Variants in GRHL2 observed in about 807,000 individuals in gnomAD.
The protein encoded by GRHL2 is grainyhead-like protein 2 homolog.
A neutral mutation model predicts 83.8 loss-of-function variants in GRHL2; 21 were observed. The ratio of observed to expected loss-of-function variants is 0.25; its 90% CI spans 0.18 to 0.36. The LOEUF is 0.36. GRHL2 is among the 10% of genes least tolerant of loss of function. GRHL2 has a pLI of 1.00. For missense variants in GRHL2, 623 were observed against 781.8 expected (o/e 0.80, Z 2.42); for synonymous variants, 280 against 278.9 (o/e 1.00, Z -0.04).
At chr8:101,582,611 T>C (rs1487030724) in intron 7 of GRHL2, among the ~76,000 whole-genome samples, 1 of 151,956 alleles carries the variant, frequency 6.6e-6, no homozygotes, top group Non-Finnish European at 1.5e-5. Flanking sequence ...AGGCTCTGAG[T>C]GTTAGAGGTT....
chr8:101,507,818 C>T (rs1165085382), intron 1 of GRHL2, among the ~76,000 whole-genome samples: 2 of 130,320 alleles, frequency 1.5e-5, no homozygotes, highest in African/African-American at 5.9e-5. Flanking sequence ...TACTCTGTCA[C>T]TCAGGCTGGA....
chr8:101,612,516 GATAGATACATACATAC>G (rs80294539), intron 8 of GRHL2, among the ~76,000 whole-genome samples: 12,059 of 79,248 alleles, frequency 0.15, 701 homozygotes, highest in South Asian at 0.24. Flanking sequence ...TAGATAGATA[GATAGATACATACATAC>G]ATACATACAT....
intron 2 of GRHL2, among the ~76,000 whole-genome samples, chr8:101,546,621 G>T (rs1489127418): frequency 1.3e-5 from 2 of 152,134 alleles, no homozygotes; most frequent in East Asian, 3.9e-4. Context: ...TGCACATGTT[G>T]GCCAGGCTGC....
intron 1 of GRHL2, 41 bp from the exon 2 acceptor site, chr8:101,543,198 GCT>G: frequency 6.8e-7 from 1 of 1,475,648 alleles, no homozygotes; most frequent in Non-Finnish European, 9.5e-7. Context: ...TAAAAAATTT[GCT>G]CTCTCTGAAA....
intron 1 of GRHL2, among the ~76,000 whole-genome samples, chr8:101,520,426 A>C (rs186696482): frequency 9.8e-5 from 15 of 152,346 alleles, no homozygotes; most frequent in Admixed American, 2.0e-4. Flanking sequence ...GACCTTATAA[A>C]GATGATTTTT....
chr8:101,562,187 C>T (rs1371902979), intron 4 of GRHL2: 1 of 612,966 alleles, frequency 1.6e-6, no homozygotes, highest in African/African-American at 1.8e-5. Context: ...CTTGGCGTTT[C>T]TGTTTGATTT....
intron 7 of GRHL2, among the ~76,000 whole-genome samples, chr8:101,591,388 A>T (rs1812278599): frequency 6.6e-6 from 1 of 152,122 alleles, no homozygotes. Context: ...GTATGTGGAG[A>T]TATTTTCTTG....
At chr8:101,493,374 G>C (rs1307627752) in intron 1 of GRHL2, among the ~76,000 whole-genome samples, 2 of 152,168 alleles carry the variant, frequency 1.3e-5, no homozygotes, top group East Asian at 1.9e-4. Flanking sequence ...GGAGGCCGGG[G>C]GGCGCGGGGG....
intron 14 of GRHL2, among the ~76,000 whole-genome samples, chr8:101,659,175 A>G (rs1813863975): frequency 6.6e-6 from 1 of 152,218 alleles, no homozygotes; most frequent in Admixed American, 6.5e-5. Context: ...CTGTAATTTC[A>G]AAGTATGATG....
rs939004493 is a variant in GRHL2, at chr8:101,492,609, G to A, written c.-161G>A. 2.7e-6 allele frequency: 2 copies of A among 737,122 alleles called. No individual in the cohort carries two copies. The highest frequency in any genetic ancestry group is 5.0e-6 in the Non-Finnish European group (2 of 400,670). The allele number at this position is 737,122 out of a possible 1,614,324, so 45.7% of individuals were successfully genotyped here. ...TAGGTGAGGGCGCGAGCGGGCGAGC[G>A]AGCGAGAGTGGTGAGGGGGGACGGA... On this transcript the variant is annotated 5_prime_UTR_variant, in exon 1 of 16. Coordinates refer to ENST00000646743, the MANE Select transcript of GRHL2 (RefSeq NM_024915.4).
At chr8:101,651,347 T>C (rs1473431130) in intron 14 of GRHL2, among the ~76,000 whole-genome samples, 4 of 152,202 alleles carry the variant, frequency 2.6e-5, no homozygotes, top group Non-Finnish European at 4.4e-5. Flanking sequence ...TTCTGATACT[T>C]CTGAATTGCA....
chr8:101,664,143 C>T (rs531423316), intron 14 of GRHL2, among the ~76,000 whole-genome samples: 7 of 152,124 alleles, frequency 4.6e-5, no homozygotes, highest in Non-Finnish European at 1.0e-4. Flanking sequence ...TCCAATATAA[C>T]TTGTTAAATT....
intron 13 of GRHL2, among the ~76,000 whole-genome samples, chr8:101,646,687 T>A (rs1813517556): frequency 6.6e-6 from 1 of 152,266 alleles, no homozygotes; most frequent in African/African-American, 2.4e-5. Context: ...GGTTTTTGCC[T>A]TTGTGGCAGG....
chr8:101,655,210 C>T (rs1408864039), intron 14 of GRHL2, among the ~76,000 whole-genome samples: 1 of 151,920 alleles, frequency 6.6e-6, no homozygotes, highest in Non-Finnish European at 1.5e-5. Flanking sequence ...AGAAGGAAGT[C>T]TCCCTGTAAG....
intron 8 of GRHL2, among the ~76,000 whole-genome samples, chr8:101,618,249 C>A (rs1812894149): frequency 6.6e-6 from 1 of 152,120 alleles, no homozygotes; most frequent in African/African-American, 2.4e-5. Context: ...CTCATTTACA[C>A]TCCTCCCTCT....
rs540115152 is a variant in GRHL2 at position 101,510,625 on chromosome 8, AT to A, written c.20+17837del. Among the ~76,000 whole-genome samples, 378 of 152,282 alleles carry A rather than the reference AT, an allele frequency of 2.5e-3. 1 individual carries two copies. Among genetic ancestry groups the A allele is most frequent in the African/African-American group, 8.4e-3 (349 of 41,550 alleles). On this transcript the variant is annotated intron_variant, in intron 1 of 15. Coordinates refer to ENST00000646743, the MANE Select transcript of GRHL2 (RefSeq NM_024915.4). The stretch of plus-strand genomic sequence containing the variant: ...GCTTAAAATTTACAAATATTAAAAA[AT>A]ATATGTTATTACACAATAACTATCA...
intron 9 of GRHL2, among the ~76,000 whole-genome samples, chr8:101,624,183 GTACACA>G: frequency 6.6e-6 from 1 of 150,752 alleles, no homozygotes. Context: ...ACAGTACACA[GTACACA>G]GTAGGACAGT....
chr8:101,563,595 G>C lies in GRHL2; in HGVS notation c.678+4783G>C, dbSNP rs192359282. 1.9e-3 allele frequency among the ~76,000 whole-genome samples: 284 copies of C among 152,182 alleles called. 2 individuals carry two copies. Among genetic ancestry groups the C allele is most frequent in the Non-Finnish European group, 2.3e-3 (154 of 68,004 alleles). ...TCCTTAAGAGGCTGTCATATTTCTT[G>C]GGTTCTGGTAGCTTTACAATCAAAC... On this transcript the variant is annotated intron_variant, in intron 4 of 15. Coordinates refer to ENST00000646743, the MANE Select transcript of GRHL2 (RefSeq NM_024915.4).
chr8:101,610,014 C>T (rs1160006018), intron 8 of GRHL2, among the ~76,000 whole-genome samples: 3 of 150,786 alleles, frequency 2.0e-5, no homozygotes, highest in African/African-American at 7.5e-5. Flanking sequence ...CCTGGGAGCT[C>T]GTTATTTCAC....
Sources: allele counts gnomAD v4.1 joint callset (sites outside exome capture counted in the v4.1 genomes callset), GRCh38; gene constraint gnomAD v4.1.1; transcripts MANE v1.5; gene names NCBI Gene and HGNC (gene_info 2026-07-23, HGNC 2026-07-21).